VPS13B: variants seen among roughly 807,000 people sequenced by gnomAD.
The protein encoded by VPS13B is intermembrane lipid transfer protein VPS13B.
Under a neutral mutation model 426.4 loss-of-function variants are expected in VPS13B, and 285 were observed. That is an observed-to-expected ratio of 0.67 (90% CI 0.61 to 0.74). The LOEUF (loss-of-function observed/expected upper bound fraction) is 0.74, where lower values mean the gene tolerates loss of function less well. Among genes scored for constraint, VPS13B ranks in the 30% least tolerant of loss-of-function variants. The pLI is 0.00. For synonymous variants in VPS13B, 1,676 were observed against 1,676.4 expected, an observed-to-expected ratio of 1.00 and a Z score of 0.01; for missense variants, 4,537 against 4,782.6, an observed-to-expected ratio of 0.95 and a Z score of 1.51.
At position 99,103,055 on chromosome 8, in the gene VPS13B, A is replaced by G. The variant is rs2132454074; in HGVS notation, c.515A>G (p.Asn172Ser). ...YVEDDIVLSV[N>S]ITSAECYTVG... ...GAAGATGATATCGTCCTTTCCGTCA[A>G]TATCACTTCTGCAGAATGTTATACA... The change falls in exon 5 of 62, where the codon AAT (asparagine) becomes AGT (serine). Residue 172 changes from asparagine (N) to serine (S), a missense_variant. Asn to Ser is a conservative substitution (Grantham distance 46, BLOSUM62 1). Coordinates refer to ENST00000357162, the MANE Select transcript of VPS13B (RefSeq NM_152564.5). 1 of 1,614,056 alleles carries G rather than the reference A, an allele frequency of 6.2e-7. No homozygotes were observed. The highest frequency in any genetic ancestry group is 8.5e-7 in the Non-Finnish European group (1 of 1,179,946).
At chr8:99,503,532 A>AC (rs1282044179) in intron 27 of VPS13B, among the ~76,000 whole-genome samples, 1 of 152,184 alleles carries the variant, frequency 6.6e-6, no homozygotes, top group East Asian at 1.9e-4. Flanking sequence ...GTCCTCTCAA[A>AC]CTTTGCTGCT....
At chr8:99,195,338 T>C (rs1813854858) in intron 17 of VPS13B, among the ~76,000 whole-genome samples, 1 of 152,202 alleles carries the variant, frequency 6.6e-6, no homozygotes, top group Non-Finnish European at 1.5e-5. Context: ...ATTTATATGT[T>C]GGCCGTTTGC....
At chr8:99,068,823 G>C (rs1010603249) in intron 3 of VPS13B, among the ~76,000 whole-genome samples, 1 of 152,090 alleles carries the variant, frequency 6.6e-6, no homozygotes, top group Admixed American at 6.5e-5. Context: ...CCTCCCACCA[G>C]GTCCCTCATT....
chr8:99,730,113 A>G (rs1833529795), intron 39 of VPS13B, among the ~76,000 whole-genome samples: 1 of 152,210 alleles, frequency 6.6e-6, no homozygotes. Context: ...AGCTGCACAT[A>G]TGTTCCCAGA....
intron 39 of VPS13B, among the ~76,000 whole-genome samples, chr8:99,758,353 T>G (rs750589859): frequency 6.6e-6 from 1 of 152,212 alleles, no homozygotes; most frequent in Non-Finnish European, 1.5e-5. Flanking sequence ...ATGCAAAGTT[T>G]GTTAAAAATT....
At chr8:99,358,228 C>A (rs1364434523) in intron 19 of VPS13B, among the ~76,000 whole-genome samples, 1 of 152,092 alleles carries the variant, frequency 6.6e-6, no homozygotes, top group Non-Finnish European at 1.5e-5. Context: ...TGAGGAAACT[C>A]CATGTTTTTC....
intron 3 of VPS13B, among the ~76,000 whole-genome samples, chr8:99,087,988 A>T (rs1845928097): frequency 6.6e-6 from 1 of 152,034 alleles, no homozygotes; most frequent in African/African-American, 2.4e-5. Context: ...GTTCGAGACC[A>T]GCCTGGCCAA....
intron 19 of VPS13B, chr8:99,347,935 C>T (rs1375357942): frequency 6.6e-6 from 1 of 152,382 alleles, no homozygotes; most frequent in African/African-American, 2.4e-5. Flanking sequence ...TTTCTTTTCC[C>T]TGAGCTGAGC....
At chr8:99,689,670 A>G (rs1258403994) in intron 35 of VPS13B, among the ~76,000 whole-genome samples, 1 of 152,128 alleles carries the variant, frequency 6.6e-6, no homozygotes, top group Non-Finnish European at 1.5e-5. Context: ...AGAGAAAGAC[A>G]AGTTAAGCAA....
chr8:99,078,343 A>G (rs1004491311), intron 3 of VPS13B, among the ~76,000 whole-genome samples: 3 of 143,232 alleles, frequency 2.1e-5, no homozygotes, highest in Non-Finnish European at 3.1e-5. Flanking sequence ...AGATGCATCT[A>G]TTATGTTGCT....
intron 39 of VPS13B, among the ~76,000 whole-genome samples, chr8:99,735,009 G>C (rs1026553591): frequency 1.3e-5 from 2 of 152,206 alleles, no homozygotes; most frequent in African/African-American, 4.8e-5. Context: ...TTAAGGTTTT[G>C]GAGGAATAAT....
chr8:99,096,613 G>A lies in VPS13B; in HGVS notation c.412+181G>A, dbSNP rs141308505. Among the ~76,000 whole-genome samples, 1,161 of 152,006 alleles carry A rather than the reference G, an allele frequency of 7.6e-3. 14 individuals carry two copies. Among genetic ancestry groups the A allele is most frequent in the African/African-American group, 0.026 (1,070 of 41,452 alleles). On this transcript the variant is annotated intron_variant, in intron 4 of 61. Transcript: ENST00000357162. ...TCTGCTAAAAATACAAAAATTAGCC[G>A]GGTGTGGTGGTGTGCACCTGTAATC...
intron 21 of VPS13B, among the ~76,000 whole-genome samples, chr8:99,397,755 G>C (rs1261045715): frequency 1.4e-4 from 21 of 152,292 alleles, no homozygotes; most frequent in Non-Finnish European, 1.5e-5. Context: ...CTGCATTTCA[G>C]TGAGCATAAA....
chr8:99,110,490 T>A (rs962658671), intron 5 of VPS13B, among the ~76,000 whole-genome samples: 2 of 152,096 alleles, frequency 1.3e-5, no homozygotes, highest in African/African-American at 4.8e-5. Flanking sequence ...TCTGTGATAA[T>A]ACAAGTGTTT....
At chr8:99,790,835 AAAC>A (rs1489874375) in intron 43 of VPS13B, among the ~76,000 whole-genome samples, 1 of 152,196 alleles carries the variant, frequency 6.6e-6, no homozygotes, top group Non-Finnish European at 1.5e-5. Context: ...CAGAGACATG[AAAC>A]AATATGGCAC....
At chr8:99,323,696 G>A (rs1222494052) in intron 19 of VPS13B, among the ~76,000 whole-genome samples, 1 of 152,090 alleles carries the variant, frequency 6.6e-6, no homozygotes, top group East Asian at 1.9e-4. Flanking sequence ...TTAAAACTTA[G>A]ATAGGCTACC....
At chr8:99,196,205 TG>T (rs1461321514) in intron 17 of VPS13B, among the ~76,000 whole-genome samples, 22 of 152,252 alleles carry the variant, frequency 1.4e-4, no homozygotes, top group African/African-American at 4.8e-4. Flanking sequence ...CATTTATTTG[TG>T]TTTTTTTTTA....
intron 29 of VPS13B, among the ~76,000 whole-genome samples, chr8:99,514,472 C>G (rs909085366): frequency 2.6e-5 from 4 of 152,122 alleles, no homozygotes; most frequent in Non-Finnish European, 5.9e-5. Flanking sequence ...AACCTCTAAT[C>G]TATTTTCTGT....
chr8:99,710,339 GGAA>G (rs202217777), intron 36 of VPS13B, among the ~76,000 whole-genome samples: 2,938 of 152,142 alleles, frequency 0.019, 62 homozygotes, highest in Non-Finnish European at 0.028. Context: ...TGTCCCCCTA[GGAA>G]GAAGAACACA....
Sources: gnomAD v4.1 joint callset for allele counts (sites outside exome capture counted in the v4.1 genomes callset) on GRCh38, gnomAD v4.1.1 for gene constraint, MANE v1.5 for transcripts, NCBI Gene and HGNC (gene_info 2026-07-23, HGNC 2026-07-21) for gene names.